The following KCNQ5 variants were observed in gnomAD, a reference collection of about 807,000 sequenced individuals.
KCNQ5 encodes the protein potassium voltage-gated channel subfamily KQT member 5.
Under a neutral mutation model 98.2 loss-of-function variants are expected in KCNQ5, and 30 were observed. The observed-to-expected ratio is 0.31, with a 90% CI of 0.23 to 0.41. The LOEUF (loss-of-function observed/expected upper bound fraction) is 0.41, where lower values mean the gene tolerates loss of function less well. Among genes scored for constraint, KCNQ5 ranks in the 10% least tolerant of loss-of-function variants. The pLI is 1.00. For synonymous variants in KCNQ5, 458 were observed against 449.4 expected (o/e 1.02, Z -0.24); for missense variants, 835 against 1,182.5 (o/e 0.71, Z 4.31).
chr6:73,123,253 A>G lies in KCNQ5; in HGVS notation c.1221-1233A>G, dbSNP rs11967800. 9.7e-3 allele frequency among the ~76,000 whole-genome samples: 1,478 copies of G among 152,282 alleles called. 29 individuals are homozygous for G. Among genetic ancestry groups the G allele is most frequent in the African/African-American group, 0.034 (1,426 of 41,542 alleles). On this transcript the variant is annotated intron_variant, in intron 8 of 13. Coordinates refer to ENST00000370398, the MANE Select transcript of KCNQ5 (RefSeq NM_019842.4). ...ATTAAGTGCTAAGGAGAAAAGTAAAATAAAGAAGGAATTTAGGGAGCATCA... is the reference window on the plus strand; with the variant it reads ...ATTAAGTGCTAAGGAGAAAAGTAAAGTAAAGAAGGAATTTAGGGAGCATCA...
chr6:72,713,539 C>T (rs982958415), intron 1 of KCNQ5, among the ~76,000 whole-genome samples: 6 of 152,148 alleles, frequency 3.9e-5, no homozygotes, highest in African/African-American at 1.4e-4. Flanking sequence ...GCAGTGATCT[C>T]CTAATAGTTC....
At chr6:72,759,762 C>T (rs2223940) in intron 1 of KCNQ5, among the ~76,000 whole-genome samples, 19,529 of 151,682 alleles carry the variant, frequency 0.13, 3,884 homozygotes, top group African/African-American at 0.43. Context: ...TAGACATTAA[C>T]GAAAAATAAA....
chr6:73,103,763 AAC>A (rs991142771), intron 5 of KCNQ5, among the ~76,000 whole-genome samples: 20 of 148,992 alleles, frequency 1.3e-4, no homozygotes, highest in Middle Eastern at 3.4e-3. Flanking sequence ...ACCAAAAAAA[AAC>A]CAGAAAGAGT....
chr6:73,165,930 G>A (rs10428833), intron 10 of KCNQ5, among the ~76,000 whole-genome samples: 14,959 of 150,942 alleles, frequency 0.099, 959 homozygotes, highest in East Asian at 0.25. Flanking sequence ...GGGTGACTCC[G>A]TCTCAAAAAA....
chr6:72,895,044 C>G (rs1223641493), intron 1 of KCNQ5, among the ~76,000 whole-genome samples: 1 of 148,836 alleles, frequency 6.7e-6, no homozygotes, highest in African/African-American at 2.5e-5. Context: ...TTTGGGAGGC[C>G]GAGATGGGCG....
chr6:72,784,135 C>T (rs763201223), intron 1 of KCNQ5, among the ~76,000 whole-genome samples: 7 of 151,998 alleles, frequency 4.6e-5, no homozygotes, highest in Non-Finnish European at 7.4e-5. Flanking sequence ...GGCCAAGGGT[C>T]GGGTACACAT....
chr6:72,933,276 CA>C (rs1000734711), intron 1 of KCNQ5, among the ~76,000 whole-genome samples: 2 of 152,136 alleles, frequency 1.3e-5, no homozygotes, highest in Admixed American at 1.3e-4. Context: ...AGATAAGAGC[CA>C]AAAGGAGACC....
At chr6:72,690,440 G>A (rs1768157414) in intron 1 of KCNQ5, among the ~76,000 whole-genome samples, 1 of 152,006 alleles carries the variant, frequency 6.6e-6, no homozygotes, top group South Asian at 2.1e-4. Context: ...CTCCCTCACT[G>A]AATTGTGTGT....
In KCNQ5 at chr6:72,729,657, G is replaced by C. The variant is rs1461310263; in HGVS notation, c.398+107070G>C. 2.0e-5 allele frequency among the ~76,000 whole-genome samples: 3 copies of C among 152,170 alleles called. No homozygotes were observed. The South Asian group carries it at 6.2e-4, about 32-fold the overall frequency. The stretch of plus-strand genomic sequence containing the variant: ...TACTTACTCCCACCAATAATATAAA[G>C]AGGGCTTCTTTATCTACAATCTTGT... On this transcript the variant is annotated intron_variant, in intron 1 of 13. Coordinates refer to ENST00000370398, the MANE Select transcript of KCNQ5 (RefSeq NM_019842.4).
At chr6:73,185,778 A>G (rs551455380) in intron 11 of KCNQ5, among the ~76,000 whole-genome samples, 1 of 152,332 alleles carries the variant, frequency 6.6e-6, no homozygotes, top group Admixed American at 6.5e-5. Context: ...ATATGCCCTT[A>G]CTTGCATTTT....
intron 1 of KCNQ5, among the ~76,000 whole-genome samples, chr6:72,968,760 C>A (rs1767737863): frequency 6.6e-6 from 1 of 152,124 alleles, no homozygotes; most frequent in Admixed American, 6.6e-5. Context: ...TACATATATG[C>A]AATATTTACA....
intron 5 of KCNQ5, among the ~76,000 whole-genome samples, chr6:73,082,910 AGACAGGG>A (rs1773837672): frequency 1.7e-5 from 1 of 59,656 alleles, no homozygotes; most frequent in Non-Finnish European, 3.2e-5. Flanking sequence ...TTTTTTTTTG[AGACAGGG>A]TCTCACTCTG....
intron 1 of KCNQ5, among the ~76,000 whole-genome samples, chr6:72,924,064 TC>T (rs1780519698): frequency 6.6e-6 from 1 of 152,188 alleles, no homozygotes; most frequent in Admixed American, 6.5e-5. Flanking sequence ...TGAATAACAT[TC>T]AACTTGGGAG....
At chr6:72,825,250 C>T (rs573820630) in intron 1 of KCNQ5, among the ~76,000 whole-genome samples, 2 of 152,256 alleles carry the variant, frequency 1.3e-5, no homozygotes, top group Non-Finnish European at 2.9e-5. Context: ...ACTCACCATC[C>T]CCAACACTTT....
chr6:72,682,307 TTCCCTGATTAACAC>T (rs1373094425), intron 1 of KCNQ5, among the ~76,000 whole-genome samples: 1 of 152,204 alleles, frequency 6.6e-6, no homozygotes, highest in Non-Finnish European at 1.5e-5. Context: ...ACCAGCCAAC[TTCCCTGATTAACAC>T]TCCCTGCCTG....
intron 1 of KCNQ5, among the ~76,000 whole-genome samples, chr6:72,720,992 C>CA (rs1769925751): frequency 6.6e-6 from 1 of 152,100 alleles, no homozygotes; most frequent in Admixed American, 6.6e-5. Flanking sequence ...GCAGCAAAGT[C>CA]AAAAATGTAT....
intron 1 of KCNQ5, among the ~76,000 whole-genome samples, chr6:72,829,064 T>A (rs991136860): frequency 7.9e-5 from 12 of 152,162 alleles, no homozygotes; most frequent in Admixed American, 6.6e-4. Context: ...GACACGTTCA[T>A]GATAAACCAG....
chr6:73,176,019 G>A (rs1056477954), intron 11 of KCNQ5, among the ~76,000 whole-genome samples: 2 of 152,226 alleles, frequency 1.3e-5, no homozygotes, highest in Non-Finnish European at 2.9e-5. Context: ...ACGGGTGATG[G>A]TTGAAGGTGG....
chr6:72,785,650 C>CAAAAA (rs68046119), intron 1 of KCNQ5, among the ~76,000 whole-genome samples: 1 of 141,582 alleles, frequency 7.1e-6, no homozygotes, highest in Admixed American at 7.0e-5. Flanking sequence ...AACTCCATCT[C>CAAAAA]AAAAAAAAAA....
Sources: allele counts gnomAD v4.1 joint callset (sites outside exome capture counted in the v4.1 genomes callset), GRCh38; gene constraint gnomAD v4.1.1; transcripts MANE v1.5; gene names NCBI Gene and HGNC (gene_info 2026-07-23, HGNC 2026-07-21).